FAF1: variants seen among roughly 807,000 people sequenced by gnomAD.
The protein encoded by FAF1 is Fas associated factor 1.
FAF1 carries 25 observed loss-of-function variants against 92.5 expected under a neutral mutation model. That is an observed-to-expected ratio of 0.27 (90% confidence interval 0.20 to 0.38). The LOEUF (loss-of-function observed/expected upper bound fraction) is 0.38, where lower values mean the gene tolerates loss of function less well. Among genes scored for constraint, FAF1 ranks in the 10% least tolerant of loss-of-function variants. The pLI is 1.00. For synonymous variants in FAF1, 234 were observed against 273.2 expected (o/e 0.86, Z 1.42); for missense variants, 636 against 793.3 (o/e 0.80, Z 2.38).
chr1:50,523,223 C>T (rs762657995), intron 15 of FAF1, among the ~76,000 whole-genome samples: 9 of 152,094 alleles, frequency 5.9e-5, no homozygotes, highest in Non-Finnish European at 1.2e-4. Context: ...ATGCAATGAA[C>T]TTTCAGGCAC....
At chr1:50,727,901 C>T (rs1454602693) in intron 6 of FAF1, among the ~76,000 whole-genome samples, 2 of 152,302 alleles carry the variant, frequency 1.3e-5, no homozygotes, top group East Asian at 3.9e-4. Flanking sequence ...GACCTTTGGC[C>T]ACAGACTGAA....
At chr1:50,759,663 A>G (rs1186831095) in intron 4 of FAF1, among the ~76,000 whole-genome samples, 4 of 152,144 alleles carry the variant, frequency 2.6e-5, no homozygotes, top group African/African-American at 9.7e-5. Flanking sequence ...TTGCATATAT[A>G]CCCAGTAATG....
At chr1:50,935,927 AC>A (rs1047391456) in intron 1 of FAF1, among the ~76,000 whole-genome samples, 1 of 152,218 alleles carries the variant, frequency 6.6e-6, no homozygotes, top group Non-Finnish European at 1.5e-5. Context: ...TGTACTAGGT[AC>A]TAGTAATACT....
intron 6 of FAF1, among the ~76,000 whole-genome samples, chr1:50,709,139 C>T (rs949491198): frequency 6.6e-6 from 1 of 152,082 alleles, no homozygotes; most frequent in African/African-American, 2.4e-5. Flanking sequence ...TCTGACATCC[C>T]CTCATGTCAA....
intron 6 of FAF1, among the ~76,000 whole-genome samples, chr1:50,726,809 AC>A (rs2124465327): frequency 6.6e-6 from 1 of 152,358 alleles, no homozygotes; most frequent in South Asian, 2.1e-4. Flanking sequence ...AACCTGGGTG[AC>A]AGAGCGAGAC....
chr1:50,911,921 C>T (rs1358777493), intron 1 of FAF1, among the ~76,000 whole-genome samples: 2 of 151,858 alleles, frequency 1.3e-5, no homozygotes, highest in Non-Finnish European at 2.9e-5. Flanking sequence ...CCTGTAGTCC[C>T]AGCTACTCAG....
At position 50,870,389 on chromosome 1, in the gene FAF1, A is replaced by G. The variant is rs1362146209; in HGVS notation, c.46-12392T>C. On this transcript the variant is annotated intron_variant, in intron 1 of 18. Transcript: ENST00000396153. ...AGAAAATCACTTGAACGCGCGAGGC[A>G]CAAGTTGCAGAGAGCCGAGATTGCG... Among the ~76,000 whole-genome samples, 6 of 152,346 alleles carry G rather than the reference A, an allele frequency of 3.9e-5. No individual in the cohort carries two copies. The East Asian group carries it at 9.6e-4, about 24-fold the overall frequency.
chr1:50,820,566 A>G (rs1248539272), intron 2 of FAF1, among the ~76,000 whole-genome samples: 1 of 152,164 alleles, frequency 6.6e-6, no homozygotes, highest in African/African-American at 2.4e-5. Context: ...TAGTATTATT[A>G]GCTATGGTCA....
chr1:50,616,267 T>C (rs1479697966), intron 8 of FAF1, among the ~76,000 whole-genome samples: 1 of 152,192 alleles, frequency 6.6e-6, no homozygotes, highest in Non-Finnish European at 1.5e-5. Flanking sequence ...CCTTACACTT[T>C]AGTTTGAAGT....
intron 7 of FAF1, among the ~76,000 whole-genome samples, chr1:50,697,562 C>T (rs1418646311): frequency 6.6e-6 from 1 of 152,120 alleles, no homozygotes; most frequent in Non-Finnish European, 1.5e-5. Flanking sequence ...CAAATTTCAT[C>T]TTAGTGGCAT....
intron 12 of FAF1, among the ~76,000 whole-genome samples, chr1:50,575,743 G>C (rs964788336): frequency 6.6e-6 from 1 of 152,178 alleles, no homozygotes; most frequent in Admixed American, 6.5e-5. Flanking sequence ...ACACAGACAA[G>C]ATAAGCAGAC....
At chr1:50,479,288 T>C (rs992427686) in intron 17 of FAF1, among the ~76,000 whole-genome samples, 1 of 152,220 alleles carries the variant, frequency 6.6e-6, no homozygotes, top group African/African-American at 2.4e-5. Flanking sequence ...GCCAGCTGCC[T>C]AGTCAGTTCT....
chr1:50,836,173 T>TTTTTTTG (rs1644201975), intron 2 of FAF1, among the ~76,000 whole-genome samples: 1 of 138,806 alleles, frequency 7.2e-6, no homozygotes, highest in African/African-American at 2.8e-5. Context: ...TGTTTCTGTT[T>TTTTTTTG]TTTTTTTTTT....
intron 8 of FAF1, among the ~76,000 whole-genome samples, chr1:50,633,786 T>C (rs1036949405): frequency 2.6e-5 from 4 of 152,202 alleles, no homozygotes; most frequent in Non-Finnish European, 5.9e-5. Context: ...CTAATAACGA[T>C]ATTCGTTGCC....
chr1:50,706,208 A>G (rs1322456507), intron 6 of FAF1, among the ~76,000 whole-genome samples: 1 of 152,250 alleles, frequency 6.6e-6, no homozygotes, highest in Non-Finnish European at 1.5e-5. Flanking sequence ...GCTGTCAATT[A>G]TATCAACTCC....
intron 8 of FAF1, among the ~76,000 whole-genome samples, chr1:50,633,372 C>T (rs41305632): frequency 1.2e-3 from 181 of 152,316 alleles, no homozygotes; most frequent in Admixed American, 4.8e-3. Flanking sequence ...TCTCCTTGCA[C>T]TTTGAAATCT....
chr1:50,888,391 G>C (rs1475134269), intron 1 of FAF1, among the ~76,000 whole-genome samples: 2 of 152,018 alleles, frequency 1.3e-5, no homozygotes, highest in East Asian at 3.9e-4. Context: ...TGATTGCCCT[G>C]GCCAGAACTT....
rs965848728 is a variant in FAF1, at chr1:50,895,810, A to C, written c.46-37813T>G. On this transcript the variant is annotated intron_variant, in intron 1 of 18. Transcript: ENST00000396153. ...AAAAACCATATGTTCACTGCAATAG[A>C]TACTGAAAAAGCATTTGATAAAATT... 6.6e-5 allele frequency among the ~76,000 whole-genome samples: 10 copies of C among 152,322 alleles called. 1 individual carries two copies. The South Asian group carries it at 2.1e-3, about 32-fold the overall frequency.
At chr1:50,847,431 A>C (rs1459181213) in intron 2 of FAF1, among the ~76,000 whole-genome samples, 4 of 151,842 alleles carry the variant, frequency 2.6e-5, no homozygotes, top group Admixed American at 6.5e-5. Context: ...AAAAAAAAAA[A>C]AAAACAGTAA....
Sources: gnomAD v4.1 joint callset for allele counts (sites outside exome capture counted in the v4.1 genomes callset) on GRCh38, gnomAD v4.1.1 for gene constraint, MANE v1.5 for transcripts, NCBI Gene and HGNC (gene_info 2026-07-23, HGNC 2026-07-21) for gene names.